Variants in SLC28A1 observed in about 807,000 individuals in gnomAD.
SLC28A1 encodes the protein sodium/nucleoside cotransporter 1.
A neutral mutation model predicts 74.8 loss-of-function variants in SLC28A1; 64 were observed. That is an observed-to-expected ratio of 0.86 (90% CI 0.70 to 1.05). The LOEUF (loss-of-function observed/expected upper bound fraction) is 1.05. SLC28A1 is among the 50% of genes least tolerant of loss of function. SLC28A1 has a pLI of 0.00. For synonymous variants in SLC28A1, 359 were observed against 335.0 expected (o/e 1.07, Z -0.78); for missense variants, 828 against 822.8 (o/e 1.01, Z -0.08).
chr15:84,928,346 T>G (rs4843006), intron 12 of SLC28A1, among the ~76,000 whole-genome samples: 136,908 of 151,570 alleles, frequency 0.9, 62,072 homozygotes, highest in African/African-American at 0.98. Flanking sequence ...CCCCAGTCTT[T>G]TCTCCAGAGC....
At chr15:84,896,346 A>G (rs375874928) in intron 6 of SLC28A1, among the ~76,000 whole-genome samples, 6 of 152,254 alleles carry the variant, frequency 3.9e-5, no homozygotes, top group Admixed American at 2.6e-4. Flanking sequence ...TGTGCTCAAC[A>G]TCAGTAGCCA....
intron 2 of SLC28A1, chr15:84,887,438 C>A: frequency 3.1e-6 from 3 of 977,142 alleles, no homozygotes; most frequent in Non-Finnish European, 3.6e-6. Flanking sequence ...AATCCCAACA[C>A]TTTGGGAGGC....
At chr15:84,922,992 A>G (rs1432712558) in intron 11 of SLC28A1, among the ~76,000 whole-genome samples, 1 of 152,194 alleles carries the variant, frequency 6.6e-6, no homozygotes, top group African/African-American at 2.4e-5. Context: ...GCTGGAGCGC[A>G]GTGGCACAAT....
intron 10 of SLC28A1, among the ~76,000 whole-genome samples, chr15:84,920,723 T>TGTGTGTGTGTGTGTGTGTGTGTGTGTGC (rs1567161599): frequency 6.6e-6 from 1 of 152,086 alleles, no homozygotes; most frequent in African/African-American, 2.4e-5. Context: ...TGTGTGTGTG[T>TGTGTGTGTGTGTGTGTGTGTGTGTGTGC]GCATTTCACA....
intron 15 of SLC28A1, chr15:84,940,880 G>C (rs1972587878): frequency 5.7e-6 from 1 of 175,032 alleles, no homozygotes; most frequent in Non-Finnish European, 1.2e-5. Context: ...CTTCTTTTTT[G>C]TTTTCCCTTT....
At chr15:84,946,317 T>C (rs1174698985), downstream of SLC28A1, among the ~76,000 whole-genome samples, 1 of 151,244 alleles carries the variant, frequency 6.6e-6, no homozygotes, top group African/African-American at 2.4e-5. Flanking sequence ...ACTTGGGAAA[T>C]ATTGGCTAAT....
chr15:84,896,886 G>A (rs974793708), intron 6 of SLC28A1, among the ~76,000 whole-genome samples: 8 of 152,068 alleles, frequency 5.3e-5, no homozygotes, highest in South Asian at 2.1e-4. Context: ...AACCATATAC[G>A]GCATGATTCC....
downstream of SLC28A1, among the ~76,000 whole-genome samples, chr15:84,946,564 G>A (rs2079238600): frequency 6.6e-6 from 1 of 152,258 alleles, no homozygotes; most frequent in East Asian, 1.9e-4. Context: ...AGGCCACCTA[G>A]TTCTGGGTGG....
intron 11 of SLC28A1, among the ~76,000 whole-genome samples, chr15:84,921,827 C>CA (rs1392250550): frequency 1.3e-5 from 2 of 152,052 alleles, no homozygotes; most frequent in South Asian, 4.2e-4. Context: ...GATAAACTGT[C>CA]AAAAAAATCC....
chr15:84,958,457 A>G, the SLC28A1 span, among the ~76,000 whole-genome samples: 6 of 152,222 alleles, frequency 3.9e-5, no homozygotes, highest in Admixed American at 6.5e-5. Context: ...AAAATTGCAT[A>G]TCTGAAAATG....
Position 84,933,133 on chromosome 15 carries a change from T to A in SLC28A1, c.1084-12T>A. The A allele has an allele frequency of 6.2e-7, 1 of 1,612,662 alleles. No individual in the cohort carries two copies. Among genetic ancestry groups the A allele is most frequent in the Non-Finnish European group, 8.5e-7 (1 of 1,179,226 alleles). ...GACTGTCCACCTAGAACCTGCACTC[T>A]CACTCTTGCAGATCGATGCCACCTC... On this transcript the variant is annotated splice_polypyrimidine_tract_variant and intron_variant, in intron 12 of 18. Coordinates refer to ENST00000394573, the MANE Select transcript of SLC28A1 (RefSeq NM_004213.5).
chr15:84,928,709 C>T (rs112008279), intron 12 of SLC28A1, among the ~76,000 whole-genome samples: 14,792 of 145,874 alleles, frequency 0.1, 965 homozygotes, highest in African/African-American at 0.16. Flanking sequence ...CTACAACCTC[C>T]ACCTCCCAGG....
chr15:84,902,802 T>G (rs1966814953), intron 6 of SLC28A1, among the ~76,000 whole-genome samples: 1 of 151,714 alleles, frequency 6.6e-6, no homozygotes, highest in African/African-American at 2.4e-5. Flanking sequence ...CGATCTTGGC[T>G]CACTGCAACC....
At chr15:84,966,019 T>C in the SLC28A1 span, among the ~76,000 whole-genome samples, 5 of 152,184 alleles carry the variant, frequency 3.3e-5, no homozygotes, top group African/African-American at 1.2e-4. Context: ...CCTTTAGGTG[T>C]CAGTGATCTG....
intron 1 of SLC28A1, chr15:84,886,084 C>T (rs1964568576): frequency 1.0e-6 from 1 of 959,198 alleles, no homozygotes; most frequent in South Asian, 4.8e-5. Flanking sequence ...AGTGTGAGGA[C>T]TGGAAAACTA....
At position 84,900,904 on chromosome 15, in the gene SLC28A1, AAGGAAGGAAGTT is replaced by A. The variant is rs1254821549; in HGVS notation, c.462-3190_462-3179del. 1.0e-4 allele frequency among the ~76,000 whole-genome samples: 12 copies of A among 116,272 alleles called. No homozygotes were observed. The East Asian group carries it at 3.0e-3, about 29-fold the overall frequency. 76.3% of individuals were successfully genotyped at this position (116,272 alleles called of 152,430 possible). A position where few individuals can be genotyped will look rare whatever the true frequency, so the allele number is the denominator to read the frequency against. ...GAAGGAAGGAAGGAAGGAAGGAAGG[AAGGAAGGAAGTT>A]AGTTGATTAAAATTTAATTAACTTA... On this transcript the variant is annotated intron_variant, in intron 6 of 18. Coordinates refer to ENST00000394573, the MANE Select transcript of SLC28A1 (RefSeq NM_004213.5).
At chr15:84,914,678 T>C (rs181794873) in intron 9 of SLC28A1, among the ~76,000 whole-genome samples, 1 of 152,248 alleles carries the variant, frequency 6.6e-6, no homozygotes, top group East Asian at 1.9e-4. Context: ...TGGCACACAG[T>C]GGAATTTAAT....
chr15:84,920,672 C>A (rs1030520810), intron 10 of SLC28A1, among the ~76,000 whole-genome samples: 2 of 142,582 alleles, frequency 1.4e-5, no homozygotes, highest in African/African-American at 5.6e-5. Context: ...AGAGGCTTTA[C>A]TAAGCTAATG....
chr15:84,918,379 C>T (rs1265127737), intron 9 of SLC28A1, 145 bp from the exon 10 acceptor site: 2 of 741,848 alleles, frequency 2.7e-6, no homozygotes, highest in African/African-American at 1.7e-5. Flanking sequence ...ATGCACTGAT[C>T]TCAGAGCATC....
Sources: gnomAD v4.1 joint callset for allele counts (sites outside exome capture counted in the v4.1 genomes callset) on GRCh38, gnomAD v4.1.1 for gene constraint, MANE v1.5 for transcripts, NCBI Gene and HGNC (gene_info 2026-07-23, HGNC 2026-07-21) for gene names.